The following ERBB4 variants were observed in gnomAD, a reference collection of about 807,000 sequenced individuals.
The protein encoded by ERBB4 is receptor tyrosine-protein kinase erbB-4.
A neutral mutation model predicts 158.0 loss-of-function variants in ERBB4; 42 were observed. The observed-to-expected ratio is 0.27, with a 90% CI of 0.21 to 0.34. The LOEUF is 0.34. Ranked by LOEUF, ERBB4 falls within the 10% of genes least tolerant of loss-of-function variation. ERBB4 has a pLI of 1.00. For missense variants in ERBB4, 1,333 were observed against 1,624.1 expected, an observed-to-expected ratio of 0.82 and a Z score of 3.08; for synonymous variants, 583 against 558.7, an observed-to-expected ratio of 1.04 and a Z score of -0.61.
chr2:211,551,591 T>C (rs932304929), intron 20 of ERBB4, among the ~76,000 whole-genome samples: 1 of 152,134 alleles, frequency 6.6e-6, no homozygotes, highest in Non-Finnish European at 1.5e-5. Context: ...AATATATTAA[T>C]AAGTGCCAAT....
At chr2:211,638,582 G>T (rs751004797) in intron 16 of ERBB4, among the ~76,000 whole-genome samples, 3 of 152,114 alleles carry the variant, frequency 2.0e-5, no homozygotes, top group Non-Finnish European at 4.4e-5. Context: ...GACCAAAACT[G>T]TAAGTGCTGA....
At chr2:211,810,746 C>T (rs993229290) in intron 3 of ERBB4, among the ~76,000 whole-genome samples, 23 of 146,858 alleles carry the variant, frequency 1.6e-4, no homozygotes, top group African/African-American at 5.8e-4. Flanking sequence ...AATCTCGGCT[C>T]ACTGCAAGCT....
At chr2:212,054,839 T>C (rs1220390201) in intron 2 of ERBB4, among the ~76,000 whole-genome samples, 1 of 152,180 alleles carries the variant, frequency 6.6e-6, no homozygotes, top group African/African-American at 2.4e-5. Context: ...GATGGCCGAA[T>C]AGGAACAGCT....
intron 4 of ERBB4, among the ~76,000 whole-genome samples, chr2:211,766,713 G>A (rs1319047839): frequency 6.6e-6 from 1 of 152,148 alleles, no homozygotes; most frequent in Non-Finnish European, 1.5e-5. Flanking sequence ...TGAAGGCAGG[G>A]AACCTAACGC....
chr2:212,321,964 G>T (rs996708496), intron 1 of ERBB4, among the ~76,000 whole-genome samples: 6 of 149,926 alleles, frequency 4.0e-5, no homozygotes, highest in African/African-American at 4.9e-5. Flanking sequence ...AGTTTAAGAA[G>T]AATAATATAA....
chr2:212,496,077 A>T (rs1047596454), intron 1 of ERBB4, among the ~76,000 whole-genome samples: 2 of 152,110 alleles, frequency 1.3e-5, no homozygotes, highest in Non-Finnish European at 2.9e-5. Context: ...TAGTTATCCA[A>T]TTGTAGTAAT....
intron 1 of ERBB4, among the ~76,000 whole-genome samples, chr2:212,222,850 A>T (rs572219313): frequency 6.6e-6 from 1 of 151,720 alleles, no homozygotes; most frequent in Admixed American, 6.6e-5. Context: ...AAGAGATAGT[A>T]CTATGTTTAT....
chr2:211,582,040 G>A (rs931852901), intron 19 of ERBB4, among the ~76,000 whole-genome samples: 2 of 151,884 alleles, frequency 1.3e-5, no homozygotes, highest in Non-Finnish European at 2.9e-5. Flanking sequence ...TGTTAGTATT[G>A]GTCAATCTTG....
rs1043400718 is a variant in ERBB4, at chr2:212,421,487, C to T, written c.82+116962G>A. On this transcript the variant is annotated intron_variant, in intron 1 of 27. Coordinates refer to ENST00000342788, the MANE Select transcript of ERBB4 (RefSeq NM_005235.3). Reference sequence around the variant, plus strand: ...TAGTCTTGTTTTCTATATCTAGTGTCACAAGTAGTACAAAATGTTCAACAT... The same window carrying T: ...TAGTCTTGTTTTCTATATCTAGTGTTACAAGTAGTACAAAATGTTCAACAT... Among the ~76,000 whole-genome samples, 8 of 152,026 alleles carry T rather than the reference C, an allele frequency of 5.3e-5. 1 individual carries two copies. The highest frequency in any genetic ancestry group is 1.2e-4 in the Non-Finnish European group (8 of 68,002).
intron 1 of ERBB4, among the ~76,000 whole-genome samples, chr2:212,223,285 A>G (rs964010218): frequency 6.7e-6 from 1 of 149,966 alleles, no homozygotes; most frequent in Admixed American, 6.7e-5. Flanking sequence ...TCACAGCTCT[A>G]TAGTTACCTT....
chr2:212,286,599 T>TTTTTTTTGGTTTTG (rs1559928488), intron 1 of ERBB4, among the ~76,000 whole-genome samples: 1 of 83,832 alleles, frequency 1.2e-5, no homozygotes, highest in Non-Finnish European at 2.2e-5. Flanking sequence ...GCTGACTTTT[T>TTTTTTTTGGTTTTG]TTTTTTTTTT....
At chr2:211,841,584 T>C (rs1253009325) in intron 3 of ERBB4, among the ~76,000 whole-genome samples, 1 of 152,026 alleles carries the variant, frequency 6.6e-6, no homozygotes, top group Non-Finnish European at 1.5e-5. Flanking sequence ...AAATGTGTTA[T>C]TTTCATTTAT....
At chr2:212,311,828 C>T (rs2087057442) in intron 1 of ERBB4, among the ~76,000 whole-genome samples, 1 of 151,116 alleles carries the variant, frequency 6.6e-6, no homozygotes, top group East Asian at 2.0e-4. Context: ...ATCAAACTAA[C>T]AAATGCAGAG....
chr2:211,604,743 T>G (rs1405982843), intron 19 of ERBB4, among the ~76,000 whole-genome samples: 1 of 152,212 alleles, frequency 6.6e-6, no homozygotes, highest in East Asian at 1.9e-4. Context: ...ACTGTTAACT[T>G]TGAACCAGCA....
chr2:211,515,392 AG>A (rs1252911892), intron 20 of ERBB4, among the ~76,000 whole-genome samples: 1 of 152,132 alleles, frequency 6.6e-6, no homozygotes, highest in African/African-American at 2.4e-5. Flanking sequence ...GAAATGCTGT[AG>A]GACTTTCAAA....
intron 1 of ERBB4, among the ~76,000 whole-genome samples, chr2:212,258,084 T>C (rs966112041): frequency 6.6e-6 from 1 of 152,132 alleles, no homozygotes; most frequent in Non-Finnish European, 1.5e-5. Context: ...TGTACAAAAC[T>C]ATTTATAGGA....
intron 1 of ERBB4, among the ~76,000 whole-genome samples, chr2:212,465,946 A>G (rs1188331805): frequency 6.6e-6 from 1 of 152,220 alleles, no homozygotes; most frequent in African/African-American, 2.4e-5. Context: ...CACAATAGCT[A>G]ATAAGTTAAG....
intron 9 of ERBB4, among the ~76,000 whole-genome samples, chr2:211,710,364 G>A (rs1228208820): frequency 6.6e-6 from 1 of 152,150 alleles, no homozygotes; most frequent in Non-Finnish European, 1.5e-5. Context: ...TTACATTCAT[G>A]TGGTATTTGG....
intron 3 of ERBB4, among the ~76,000 whole-genome samples, chr2:211,847,823 C>T (rs551783706): frequency 1.3e-5 from 2 of 152,162 alleles, no homozygotes; most frequent in Admixed American, 1.3e-4. Context: ...TATGCACTAA[C>T]TGATTAAATT....
Sources: gnomAD v4.1 joint callset for allele counts (sites outside exome capture counted in the v4.1 genomes callset) on GRCh38, gnomAD v4.1.1 for gene constraint, MANE v1.5 for transcripts, NCBI Gene and HGNC (gene_info 2026-07-23, HGNC 2026-07-21) for gene names.